ROBO2: variants seen among roughly 807,000 people sequenced by gnomAD.
The protein encoded by ROBO2 is roundabout homolog 2.
Under a neutral mutation model 160.8 loss-of-function variants are expected in ROBO2, and 53 were observed. The ratio of observed to expected loss-of-function variants is 0.33; its 90% CI spans 0.26 to 0.41. The LOEUF is 0.41. ROBO2 is among the 10% of genes least tolerant of loss of function. The pLI is 1.00. For synonymous variants in ROBO2, 664 were observed against 611.7 expected (o/e 1.09, Z -1.26); for missense variants, 1,577 against 1,722.4 (o/e 0.92, Z 1.49).
At chr3:77,030,553 C>T (rs191098142) in intron 2 of ROBO2, among the ~76,000 whole-genome samples, 7 of 152,226 alleles carry the variant, frequency 4.6e-5, no homozygotes, top group Non-Finnish European at 8.8e-5. Flanking sequence ...TTAAAACAAG[C>T]GGACATTTAT....
At chr3:76,868,318 C>A (rs1038529650) in intron 2 of ROBO2, among the ~76,000 whole-genome samples, 4 of 151,986 alleles carry the variant, frequency 2.6e-5, no homozygotes, top group African/African-American at 9.7e-5. Flanking sequence ...ATAATTTTTT[C>A]TCTTTCTCTC....
chr3:77,182,350 C>G (rs566232024), intron 2 of ROBO2, among the ~76,000 whole-genome samples: 1 of 152,148 alleles, frequency 6.6e-6, no homozygotes, highest in Non-Finnish European at 1.5e-5. Context: ...ACACAAGTTC[C>G]TTTCTTAAAG....
intron 2 of ROBO2, among the ~76,000 whole-genome samples, chr3:76,751,213 T>C (rs1317509651): frequency 1.3e-5 from 2 of 152,148 alleles, no homozygotes; most frequent in Non-Finnish European, 2.9e-5. Flanking sequence ...CCCTATTTAA[T>C]AAATGGTGCT....
At chr3:76,215,306 A>G (rs1427208846) in intron 2 of ROBO2, among the ~76,000 whole-genome samples, 2 of 152,136 alleles carry the variant, frequency 1.3e-5, no homozygotes, top group Non-Finnish European at 2.9e-5. Flanking sequence ...ACAAAGCTGG[A>G]TGGAGAATGA....
intron 15 of ROBO2, among the ~76,000 whole-genome samples, chr3:77,579,532 G>T (rs551552744): frequency 1.2e-4 from 18 of 152,208 alleles, no homozygotes; most frequent in African/African-American, 4.3e-4. Flanking sequence ...TATTTTAGTG[G>T]ATTATATGCA....
intron 2 of ROBO2, among the ~76,000 whole-genome samples, chr3:76,686,195 G>C (rs1020246594): frequency 1.3e-5 from 2 of 151,968 alleles, no homozygotes; most frequent in South Asian, 2.1e-4. Flanking sequence ...TGAATCAGTC[G>C]GTGTAGAGAG....
At chr3:77,420,735 A>T (rs888911004) in intron 2 of ROBO2, among the ~76,000 whole-genome samples, 1 of 152,172 alleles carries the variant, frequency 6.6e-6, no homozygotes, top group African/African-American at 2.4e-5. Flanking sequence ...TCAGGCTACC[A>T]GACTCTGCTG....
At chr3:76,293,996 T>C (rs1708940367) in intron 2 of ROBO2, among the ~76,000 whole-genome samples, 1 of 152,112 alleles carries the variant, frequency 6.6e-6, no homozygotes, top group African/African-American at 2.4e-5. Context: ...TCAGCCTGTC[T>C]CCGATGTTCA....
At chr3:76,492,352 G>A (rs1181860792) in intron 2 of ROBO2, among the ~76,000 whole-genome samples, 1 of 152,034 alleles carries the variant, frequency 6.6e-6, no homozygotes, top group Non-Finnish European at 1.5e-5. Flanking sequence ...TACGAGACAT[G>A]ACCTGTTTAT....
intron 5 of ROBO2, among the ~76,000 whole-genome samples, chr3:77,513,727 A>G (rs2089680256): frequency 6.6e-6 from 1 of 151,720 alleles, no homozygotes; most frequent in South Asian, 2.1e-4. Context: ...CTTCCTTGAG[A>G]AAAAAACCCT....
At chr3:76,948,916 T>A (rs1412042966) in intron 2 of ROBO2, among the ~76,000 whole-genome samples, 214 of 101,170 alleles carry the variant, frequency 2.1e-3, no homozygotes, top group African/African-American at 9.4e-3. Context: ...ATATTTTTTT[T>A]TTTTTTTTTT....
chr3:77,162,068 TGA>T (rs1208837408), intron 2 of ROBO2, among the ~76,000 whole-genome samples: 1 of 152,152 alleles, frequency 6.6e-6, no homozygotes, highest in African/African-American at 2.4e-5. Flanking sequence ...TGTAAAAATT[TGA>T]GAGTTAACTT....
intron 2 of ROBO2, among the ~76,000 whole-genome samples, chr3:75,966,623 G>C (rs1441592063): frequency 6.6e-6 from 1 of 151,630 alleles, no homozygotes; most frequent in Non-Finnish European, 1.5e-5. Context: ...CAGAAAAATA[G>C]TCATAGAAAC....
chr3:76,119,120 C>G (rs771612088), intron 2 of ROBO2, among the ~76,000 whole-genome samples: 6 of 152,076 alleles, frequency 3.9e-5, no homozygotes, highest in Non-Finnish European at 5.9e-5. Flanking sequence ...CTGAATGAAA[C>G]GAGCTGTGTT....
At chr3:77,432,748 G>A (rs1197323768) in intron 2 of ROBO2, among the ~76,000 whole-genome samples, 1 of 152,156 alleles carries the variant, frequency 6.6e-6, no homozygotes, top group African/African-American at 2.4e-5. Flanking sequence ...AGGGTGACCT[G>A]TGAAGTTTAT....
At chr3:77,426,750 G>A (rs1008083713) in intron 2 of ROBO2, among the ~76,000 whole-genome samples, 4 of 151,612 alleles carry the variant, frequency 2.6e-5, no homozygotes, top group African/African-American at 9.7e-5. Flanking sequence ...TTTCTTGATT[G>A]AAGAAACCCA....
chr3:76,410,284 CTA>C (rs1559902088), intron 2 of ROBO2, among the ~76,000 whole-genome samples: 1 of 152,062 alleles, frequency 6.6e-6, no homozygotes, highest in East Asian at 1.9e-4. Context: ...TTGCACTAAT[CTA>C]TGTTATACAT....
chr3:75,980,715 G>A (rs573286875), intron 2 of ROBO2, among the ~76,000 whole-genome samples: 1 of 151,584 alleles, frequency 6.6e-6, no homozygotes, highest in Admixed American at 6.6e-5. Flanking sequence ...GATCTGACTG[G>A]ACACATATAT....
chr3:77,438,450 C>A (rs1481042816), intron 2 of ROBO2, among the ~76,000 whole-genome samples: 1 of 151,232 alleles, frequency 6.6e-6, no homozygotes, highest in Non-Finnish European at 1.5e-5. Context: ...ACCCAACCTA[C>A]GAGAGAGAGC....
Sources: gnomAD v4.1 joint callset for allele counts (sites outside exome capture counted in the v4.1 genomes callset) on GRCh38, gnomAD v4.1.1 for gene constraint, MANE v1.5 for transcripts, NCBI Gene and HGNC (gene_info 2026-07-23, HGNC 2026-07-21) for gene names.